The following RYR1 variants were observed in gnomAD, a reference collection of about 807,000 sequenced individuals.
The protein encoded by RYR1 is central core disease of muscle.
Under a neutral mutation model 583.5 loss-of-function variants are expected in RYR1, and 342 were observed. That is an observed-to-expected ratio of 0.59 (90% CI 0.54 to 0.64). The LOEUF (loss-of-function observed/expected upper bound fraction) is 0.64, where lower values mean the gene tolerates loss of function less well. RYR1 is among the 30% of genes least tolerant of loss of function. The pLI is 0.00. For missense variants in RYR1, 6,032 were observed against 6,917.2 expected, an observed-to-expected ratio of 0.87 and a Z score of 4.54; for synonymous variants, 2,791 against 2,822.5, an observed-to-expected ratio of 0.99 and a Z score of 0.35.
chr19:38,577,027 A>G (rs1183651310), intron 97 of RYR1, among the ~76,000 whole-genome samples: 2 of 152,002 alleles, frequency 1.3e-5, no homozygotes, highest in Non-Finnish European at 2.9e-5. Flanking sequence ...CTGGGATTAC[A>G]GGCACCCACC....
chr19:38,498,617 G>A (rs1969953530), intron 42 of RYR1, among the ~76,000 whole-genome samples: 1 of 152,200 alleles, frequency 6.6e-6, no homozygotes, highest in African/African-American at 2.4e-5. Context: ...ATTTCTTGAT[G>A]ATATGCTGTT....
In RYR1 at chr19:38,455,705, TC is replaced by T; in HGVS notation, c.1746del (p.Lys583SerfsTer83). 1.2e-6 allele frequency: 2 copies of T among 1,613,728 alleles called. No homozygotes were observed. The highest frequency in any genetic ancestry group is 1.7e-6 in the Non-Finnish European group (2 of 1,179,828). ...CTGAACATCATCCAGGAGAATCACA[TC>T]AAGTCCATCATCTCCCTCCTGGACA... The part of the protein sequence containing the change: ...EVLNIIQENH[I>X]KSIISLLDKH... On this transcript the variant is annotated frameshift_variant, in exon 16 of 106. Transcript: ENST00000359596. LOFTEE classifies it high-confidence loss of function.
Position 38,483,580 on chromosome 19 carries a change from C to T in RYR1, c.4934+64C>T. ...TGCAAGCCCTCTGGGGTCTGGGTCC[C>T]ACTCAGTGCCCCTCCTCAACACAAC... On this transcript the variant is annotated intron_variant, in intron 33 of 105. Coordinates refer to ENST00000359596, the MANE Select transcript of RYR1 (RefSeq NM_000540.3). This position sits in a 1 kb window ranked among gnomAD's most constrained non-coding sequence, Gnocchi z 6.3. 1.4e-6 allele frequency: 2 copies of T among 1,392,238 alleles called. No individual in the cohort carries two copies. Among genetic ancestry groups the T allele is most frequent in the South Asian group, 1.2e-5 (1 of 80,788 alleles). The allele number at this position is 1,392,238 out of a possible 1,614,324, so 86.2% of individuals were successfully genotyped here. A position where few individuals can be genotyped will look rare whatever the true frequency, so the allele number is the denominator to read the frequency against.
chr19:38,436,153 A>G (rs1048929953), intron 1 of RYR1, among the ~76,000 whole-genome samples: 1 of 151,196 alleles, frequency 6.6e-6, no homozygotes, highest in African/African-American at 2.4e-5. Flanking sequence ...CAGATGATCC[A>G]CCCATCTTGG....
chr19:38,564,288 G>C (rs1397791467), intron 90 of RYR1, among the ~76,000 whole-genome samples: 1 of 152,070 alleles, frequency 6.6e-6, no homozygotes, highest in Non-Finnish European at 1.5e-5. Context: ...CTTTGGGAGG[G>C]TGAGGCGGGC....
In RYR1 at chr19:38,502,627, G is replaced by A; in HGVS notation, c.7735G>A (p.Val2579Met). The A allele has an allele frequency of 6.2e-7, 1 of 1,613,140 alleles. No homozygotes were observed. The highest frequency in any genetic ancestry group is 1.1e-5 in the South Asian group (1 of 91,026). The change falls in exon 48 of 106, where the codon GTG (valine) becomes ATG (methionine). Residue 2579 changes from valine (V) to methionine (M), a missense_variant. Around this residue, in one of 11 missense-constraint regions of RYR1, gnomAD observed 250 missense variants for 162.3 expected, o/e 1.54. Transcript: ENST00000359596. ...GGGCACAGAACACCGCGCCATCATG[G>A]TGGACTCTATGCTGCATACCGTGTA... The part of the protein sequence containing the change: ...FAGTEHRAIM[V>M]DSMLHTVYRL...
At chr19:38,530,906 G>C (rs1054407225) in intron 76 of RYR1, among the ~76,000 whole-genome samples, 3 of 151,672 alleles carry the variant, frequency 2.0e-5, no homozygotes, top group Non-Finnish European at 2.9e-5. Flanking sequence ...GGGTTCAAGC[G>C]ATTCTCCTGC....
At chr19:38,515,181 G>T (rs1970905497) in intron 64 of RYR1, 74 bp downstream of exon 64, 1 of 1,094,584 alleles carries the variant, frequency 9.1e-7, no homozygotes, top group Non-Finnish European at 1.4e-6. Flanking sequence ...AAGAAGATGG[G>T]GTGGGTGAAA....
chr19:38,549,081 C>T (rs1329739350), intron 89 of RYR1, among the ~76,000 whole-genome samples: 2 of 152,096 alleles, frequency 1.3e-5, no homozygotes, highest in African/African-American at 4.8e-5. Context: ...AGACACAGCC[C>T]GTGCTTTCAT....
At chr19:38,488,530 C>G (rs1022163508) in intron 34 of RYR1, among the ~76,000 whole-genome samples, 1 of 152,158 alleles carries the variant, frequency 6.6e-6, no homozygotes, top group Non-Finnish European at 1.5e-5. Context: ...GAGACAGACT[C>G]TCCGTCTGTC....
chr19:38,561,323 C>G lies in RYR1; in HGVS notation c.12493C>G (p.Leu4165Val), dbSNP rs531584940. ...HDPRLHNFLE[L>V]AESILEYFRP... ...CCCTCGCCTGCACAACTTCCTGGAG[C>G]TGGCCGAGAGCATCCTTGAGTACTT... is the stretch of plus-strand genomic sequence containing the variant. Residue 4165 changes from leucine (L) to valine (V), a missense_variant, in exon 90 of 106, where the codon CTG becomes GTG. By Grantham distance (32) the Leu-to-Val change is conservative (BLOSUM62 1). Coordinates refer to ENST00000359596, the MANE Select transcript of RYR1 (RefSeq NM_000540.3). The surrounding 1 kb of genome is among the most constrained non-coding windows in gnomAD (Gnocchi z 4.8). 6.2e-7 allele frequency: 1 copy of G among 1,613,914 alleles called. No homozygotes were observed. The highest frequency in any genetic ancestry group is 8.5e-7 in the Non-Finnish European group (1 of 1,180,044).
chr19:38,520,693 CAAAAAAAAAAAA>C lies in RYR1; in HGVS notation c.10259+1254_10259+1265del, dbSNP rs71165555. 4.5e-3 allele frequency among the ~76,000 whole-genome samples: 213 copies of C among 46,906 alleles called. 1 individual carries two copies. The highest frequency in any genetic ancestry group is 0.011 in the African/African-American group (207 of 18,224). The allele number at this position is 46,906 out of a possible 152,430, so 30.8% of individuals were successfully genotyped here. On this transcript the variant is annotated intron_variant, in intron 67 of 105. Coordinates refer to ENST00000359596, the MANE Select transcript of RYR1 (RefSeq NM_000540.3). Reference sequence around the variant, plus strand: ...CTAGGAACAGAGCGAGGCTCCACCTCAAAAAAAAAAAAAAAAAAAAAAAAAAGATGTATAGAT... The same window carrying C: ...CTAGGAACAGAGCGAGGCTCCACCTCAAAAAAAAAAAAAAGATGTATAGAT...
chr19:38,457,608 A>G lies in RYR1; in HGVS notation c.1903A>G (p.Asn635Asp), dbSNP rs748746838. The change falls in exon 17 of 106, where the codon AAC becomes GAC. Residue 635 changes from asparagine to aspartate, a missense_variant. Around this residue, in one of 11 missense-constraint regions of RYR1, gnomAD observed 2,627 missense variants for 2,961.3 expected, o/e 0.89. Coordinates refer to ENST00000359596, the MANE Select transcript of RYR1 (RefSeq NM_000540.3). ...TGGCCGTGAGCTTCTGCTGCAGACA[A>G]ACCTCATCAACTATGTCACCAGGTC... ...LPGRELLLQTNLINYVTSIRP... is the reference protein window; with the variant it reads ...LPGRELLLQTDLINYVTSIRP... 1.2e-6 allele frequency: 2 copies of G among 1,614,040 alleles called. No homozygotes were observed. Among genetic ancestry groups the G allele is most frequent in the Non-Finnish European group, 1.7e-6 (2 of 1,179,998 alleles).
At chr19:38,567,520 C>T (rs1973500745) in intron 92 of RYR1, among the ~76,000 whole-genome samples, 1 of 152,092 alleles carries the variant, frequency 6.6e-6, no homozygotes, top group Non-Finnish European at 1.5e-5. Context: ...TTCCCACAAC[C>T]CCCTGAGCTT....
chr19:38,519,199 A>T lies in RYR1; in HGVS notation c.10019-15A>T, dbSNP rs767155700. ...GAGGCCGGAGGTGGCATCAGAGCCC[A>T]TCGCACCCCTGCAGTGTTCGCACAG... On this transcript the variant is annotated splice_polypyrimidine_tract_variant and intron_variant, in intron 66 of 105. Coordinates refer to ENST00000359596, the MANE Select transcript of RYR1 (RefSeq NM_000540.3). The T allele has an allele frequency of 2.5e-6, 4 of 1,614,100 alleles. No individual in the cohort carries two copies. Among genetic ancestry groups the T allele is most frequent in the Admixed American group, 1.7e-5 (1 of 60,020 alleles).
intron 30 of RYR1, 95 bp from the exon 31 acceptor site, chr19:38,478,340 T>A (rs890241222): frequency 5.7e-6 from 8 of 1,403,590 alleles, no homozygotes; most frequent in South Asian, 2.3e-5. Context: ...GATGGGACTC[T>A]GAGGTTGTGT....
chr19:38,502,751 T>TGGGGCAGGGGCAGAGGCA, intron 48 of RYR1, 24 bp downstream of exon 48: 2 of 1,045,444 alleles, frequency 1.9e-6, no homozygotes, highest in South Asian at 1.4e-5. Context: ...GGCTTCAGGG[T>TGGGGCAGGGGCAGAGGCA]GGGGCAGGGG....
chr19:38,525,804 C>T (rs1357568375), intron 71 of RYR1, among the ~76,000 whole-genome samples: 1 of 151,718 alleles, frequency 6.6e-6, no homozygotes, highest in African/African-American at 2.4e-5. Flanking sequence ...ACTGCCCCCC[C>T]ACCGGACCAT....
chr19:38,502,791 GCA>G lies in RYR1; in HGVS notation c.7835+65_7835+66del, dbSNP rs1491223798. The G allele has an allele frequency of 3.1e-4, 254 of 831,844 alleles. 3 individuals are homozygous for G. Among genetic ancestry groups the G allele is most frequent in the African/African-American group, 1.9e-3 (73 of 37,530 alleles). 51.5% of individuals were successfully genotyped at this position (831,844 alleles called of 1,614,324 possible). On this transcript the variant is annotated intron_variant, in intron 48 of 105. Coordinates refer to ENST00000359596, the MANE Select transcript of RYR1 (RefSeq NM_000540.3). ...GGCAGGGGCAGGGGCAGGGGCAGGG[GCA>G]GGGGCAGGGGCAGGGGGAGGAGCAG...
Sources: allele counts gnomAD v4.1 joint callset (sites outside exome capture counted in the v4.1 genomes callset), GRCh38; gene constraint gnomAD v4.1.1; regional missense constraint gnomAD v4.1.1; non-coding constraint Gnocchi (gnomAD v3.1); transcripts MANE v1.5; gene names NCBI Gene and HGNC (gene_info 2026-07-23, HGNC 2026-07-21).